FOXN2: variants seen among roughly 807,000 people sequenced by gnomAD.
The protein encoded by FOXN2 is forkhead box N2.
FOXN2 carries 19 observed loss-of-function variants against 41.2 expected under a neutral mutation model. The observed-to-expected ratio is 0.46, with a 90% CI of 0.32 to 0.68. The LOEUF (loss-of-function observed/expected upper bound fraction) is 0.68. Ranked by LOEUF, FOXN2 falls within the 30% of genes least tolerant of loss-of-function variation. The pLI, the probability that FOXN2 is intolerant of heterozygous loss-of-function variation, is 0.03. For missense variants in FOXN2, 587 were observed against 509.4 expected, an observed-to-expected ratio of 1.15 and a Z score of -1.47; for synonymous variants, 195 against 176.8, an observed-to-expected ratio of 1.10 and a Z score of -0.82.
intron 4 of FOXN2, among the ~76,000 whole-genome samples, chr2:48,360,501 A>T (rs1672104176): frequency 6.6e-6 from 1 of 152,170 alleles, no homozygotes; most frequent in African/African-American, 2.4e-5. Flanking sequence ...AATACAGTAA[A>T]TAGCTGGGAA....
intron 2 of FOXN2, among the ~76,000 whole-genome samples, chr2:48,334,847 A>C (rs927455194): frequency 4.6e-5 from 7 of 152,190 alleles, no homozygotes; most frequent in African/African-American, 1.7e-4. Flanking sequence ...TTATGCCCCC[A>C]GGGTTTCTAC....
At chr2:48,337,264 T>C (rs1670427670) in intron 2 of FOXN2, among the ~76,000 whole-genome samples, 1 of 151,882 alleles carries the variant, frequency 6.6e-6, no homozygotes, top group Non-Finnish European at 1.5e-5. Flanking sequence ...TCCAGTTCCA[T>C]CCATGTTGTT....
At chr2:48,313,746 T>G (rs1435160784), upstream of FOXN2, among the ~76,000 whole-genome samples, 1 of 152,246 alleles carries the variant, frequency 6.6e-6, no homozygotes, top group Non-Finnish European at 1.5e-5. Context: ...TTTCCACTTC[T>G]AAGCCTCCGT....
intron 2 of FOXN2, among the ~76,000 whole-genome samples, chr2:48,331,628 A>C (rs1473468720): frequency 6.6e-6 from 1 of 152,058 alleles, no homozygotes; most frequent in Non-Finnish European, 1.5e-5. Flanking sequence ...GACCAACCTG[A>C]GCAACATAAG....
At chr2:48,347,589 G>A (rs1558626884) in intron 3 of FOXN2, among the ~76,000 whole-genome samples, 1 of 151,312 alleles carries the variant, frequency 6.6e-6, no homozygotes, top group Non-Finnish European at 1.5e-5. Flanking sequence ...CTCTACTATT[G>A]CCTGATTATT....
chr2:48,369,147 A>T (rs1672721480), intron 5 of FOXN2, among the ~76,000 whole-genome samples: 1 of 152,332 alleles, frequency 6.6e-6, no homozygotes, highest in East Asian at 1.9e-4. Flanking sequence ...AATGGTATTC[A>T]TGTAGCTTTC....
At chr2:48,344,849 C>A (rs999377647) in intron 2 of FOXN2, among the ~76,000 whole-genome samples, 17 of 149,984 alleles carry the variant, frequency 1.1e-4, no homozygotes, top group East Asian at 2.0e-4. Context: ...TACCCCCCCC[C>A]CCCAATTATT....
chr2:48,349,390 G>A (rs1671309579), intron 3 of FOXN2, among the ~76,000 whole-genome samples: 1 of 152,154 alleles, frequency 6.6e-6, no homozygotes, highest in African/African-American at 2.4e-5. Context: ...AATGGAGGTA[G>A]GAGGATTGTT....
chr2:48,320,293 A>C (rs572906398), intron 1 of FOXN2, among the ~76,000 whole-genome samples: 3 of 148,990 alleles, frequency 2.0e-5, no homozygotes, highest in South Asian at 2.1e-4. Flanking sequence ...GTATAATTTA[A>C]TTTTTTTTTT....
Position 48,369,253 on chromosome 2 carries a change from G to C in FOXN2, c.704-4039G>C, listed in dbSNP as rs1402479966. On this transcript the variant is annotated intron_variant, in intron 5 of 6. Transcript: ENST00000340553. Reference sequence around the variant, plus strand: ...ATGGATGTTTGTTAAAAGAAGTGAAGTTAGGCCAGGCGGGGGTCTCACGCC... The same window carrying C: ...ATGGATGTTTGTTAAAAGAAGTGAACTTAGGCCAGGCGGGGGTCTCACGCC... Among the ~76,000 whole-genome samples the C allele has an allele frequency of 2.0e-5, 3 of 152,286 alleles. No individual in the cohort carries two copies. In the East Asian group the frequency reaches 5.8e-4, roughly 29 times the overall value.
intron 3 of FOXN2, among the ~76,000 whole-genome samples, chr2:48,351,448 A>T (rs1202254848): frequency 6.6e-6 from 1 of 152,238 alleles, no homozygotes; most frequent in Non-Finnish European, 1.5e-5. Context: ...GAACAGAGTC[A>T]GAGAGAAGTT....
At chr2:48,338,805 G>T (rs1670540716) in intron 2 of FOXN2, among the ~76,000 whole-genome samples, 1 of 152,092 alleles carries the variant, frequency 6.6e-6, no homozygotes, top group Admixed American at 6.5e-5. Context: ...AGATTTAAAT[G>T]TAAAAGGCAA....
At chr2:48,325,965 C>A (rs1424933231) in intron 1 of FOXN2, among the ~76,000 whole-genome samples, 3 of 150,792 alleles carry the variant, frequency 2.0e-5, no homozygotes, top group Admixed American at 6.6e-5. Flanking sequence ...TCTTGTGCCT[C>A]AGCCTCCCAA....
At chr2:48,341,075 C>CT (rs910682340) in intron 2 of FOXN2, among the ~76,000 whole-genome samples, 29 of 151,582 alleles carry the variant, frequency 1.9e-4, no homozygotes, top group Admixed American at 1.2e-3. Flanking sequence ...CTATTTTGGC[C>CT]TTTTTTTTGA....
intron 2 of FOXN2, among the ~76,000 whole-genome samples, chr2:48,333,227 C>T (rs905217132): frequency 6.6e-6 from 1 of 152,042 alleles, no homozygotes; most frequent in Non-Finnish European, 1.5e-5. Context: ...TAGAAAAGAA[C>T]CAGCAGAGGT....
intron 2 of FOXN2, among the ~76,000 whole-genome samples, chr2:48,338,462 C>T (rs1486184085): frequency 7.3e-5 from 11 of 151,344 alleles, no homozygotes; most frequent in Non-Finnish European, 1.2e-4. Flanking sequence ...AGTGCAGTGG[C>T]GCGATCTCAG....
intron 5 of FOXN2, among the ~76,000 whole-genome samples, chr2:48,368,770 G>A (rs1672696913): frequency 6.6e-6 from 1 of 152,152 alleles, no homozygotes; most frequent in Non-Finnish European, 1.5e-5. Flanking sequence ...AATTTTTATT[G>A]CTTTTGTTCC....
At chr2:48,315,824 G>C (rs1668874326) in intron 1 of FOXN2, among the ~76,000 whole-genome samples, 1 of 152,170 alleles carries the variant, frequency 6.6e-6, no homozygotes, top group South Asian at 2.1e-4. Context: ...TCTTGCACTG[G>C]ATTTCTGCTT....
intron 2 of FOXN2, among the ~76,000 whole-genome samples, chr2:48,333,056 C>G (rs1670113070): frequency 6.6e-6 from 1 of 152,048 alleles, no homozygotes; most frequent in South Asian, 2.1e-4. Flanking sequence ...ATATTGCCTC[C>G]TCAAGTTTCT....
Sources: allele counts gnomAD v4.1 joint callset (sites outside exome capture counted in the v4.1 genomes callset), GRCh38; gene constraint gnomAD v4.1.1; transcripts MANE v1.5; gene names NCBI Gene and HGNC (gene_info 2026-07-23, HGNC 2026-07-21).